CCSER1: variants seen among roughly 807,000 people sequenced by gnomAD.
CCSER1 encodes the protein coiled-coil serine rich protein 1, also known as serine-rich coiled-coil domain-containing protein 1.
Under a neutral mutation model 82.0 loss-of-function variants are expected in CCSER1, and 41 were observed. The observed-to-expected ratio is 0.50, with a 90% CI of 0.39 to 0.65. The LOEUF (loss-of-function observed/expected upper bound fraction) is 0.65, where lower values mean the gene tolerates loss of function less well. Ranked by LOEUF, CCSER1 falls within the 30% of genes least tolerant of loss-of-function variation. CCSER1 has a pLI of 0.00. For synonymous variants in CCSER1, 414 were observed against 383.9 expected (o/e 1.08, Z -0.92); for missense variants, 1,119 against 1,064.2 (o/e 1.05, Z -0.72).
chr4:90,670,700 A>G (rs904271255), intron 6 of CCSER1, among the ~76,000 whole-genome samples: 6 of 152,090 alleles, frequency 3.9e-5, no homozygotes, highest in African/African-American at 1.2e-4. Flanking sequence ...AATCAAGACC[A>G]TAGACATATT....
intron 5 of CCSER1, among the ~76,000 whole-genome samples, chr4:90,495,266 G>T (rs113110655): frequency 1.9e-3 from 291 of 152,254 alleles, no homozygotes; most frequent in Non-Finnish European, 2.9e-3. Context: ...TAATAACTTT[G>T]TGAAGCATGT....
intron 3 of CCSER1, among the ~76,000 whole-genome samples, chr4:90,380,134 G>A (rs115306544): frequency 1.9e-3 from 287 of 152,148 alleles, no homozygotes; most frequent in African/African-American, 6.4e-3. Context: ...TTTGAGCAGG[G>A]ACACAGATCA....
intron 9 of CCSER1, among the ~76,000 whole-genome samples, chr4:91,012,402 AGCAGTGACTGGGAAGG>A (rs1739065982): frequency 8.6e-6 from 1 of 116,550 alleles, no homozygotes; most frequent in Admixed American, 8.9e-5. Flanking sequence ...GACAGGGCAC[AGCAGTGACTGGGAAGG>A]GCATAAAGAG....
At chr4:90,856,341 T>C (rs977334748) in intron 8 of CCSER1, among the ~76,000 whole-genome samples, 1 of 152,168 alleles carries the variant, frequency 6.6e-6, no homozygotes, top group Non-Finnish European at 1.5e-5. Context: ...TAAGATAATA[T>C]ATAGAAAGTA....
intron 10 of CCSER1, among the ~76,000 whole-genome samples, chr4:91,481,041 C>T: frequency 7.1e-6 from 1 of 140,972 alleles, no homozygotes; most frequent in Non-Finnish European, 1.6e-5. Context: ...ATTTCCCTCC[C>T]CTCCCCACCC....
At position 90,831,013 on chromosome 4, in the gene CCSER1, T is replaced by C. The variant is rs1761051182; in HGVS notation, c.2094+15168T>C. ...TACTGTTCCCAACCATTCTGGGCAT[T>C]ATGTTGGTTTTACTGTCAGTCTCAA... is the stretch of plus-strand genomic sequence containing the variant. On this transcript the variant is annotated intron_variant, in intron 8 of 10. Coordinates refer to ENST00000509176, the MANE Select transcript of CCSER1 (RefSeq NM_001145065.2). 2.6e-5 allele frequency among the ~76,000 whole-genome samples: 4 copies of C among 152,000 alleles called. No individual in the cohort carries two copies. The South Asian group carries it at 8.3e-4, about 32-fold the overall frequency.
chr4:90,128,335 A>G (rs1371499870), intron 1 of CCSER1, among the ~76,000 whole-genome samples: 2 of 151,906 alleles, frequency 1.3e-5, no homozygotes, highest in Non-Finnish European at 2.9e-5. Flanking sequence ...GAGGAACCGC[A>G]GTGCGGGGCC....
intron 6 of CCSER1, among the ~76,000 whole-genome samples, chr4:90,648,938 C>T (rs1436614500): frequency 6.6e-6 from 1 of 152,150 alleles, no homozygotes; most frequent in Non-Finnish European, 1.5e-5. Context: ...GTAACACGGT[C>T]TTATAATATT....
chr4:90,926,399 G>A (rs1383395555), intron 9 of CCSER1, among the ~76,000 whole-genome samples: 1 of 151,868 alleles, frequency 6.6e-6, no homozygotes, highest in Non-Finnish European at 1.5e-5. Flanking sequence ...ATTGGTATGA[G>A]TATCAGAATA....
At chr4:90,576,080 G>T in intron 5 of CCSER1, among the ~76,000 whole-genome samples, 1 of 150,402 alleles carries the variant, frequency 6.6e-6, no homozygotes, top group African/African-American at 2.4e-5. Context: ...CTAGTTCTTG[G>T]GGTTGTCTTC....
In CCSER1 at chr4:90,819,656, A is replaced by T. The variant is rs146821772; in HGVS notation, c.2094+3811A>T. Among the ~76,000 whole-genome samples, 1,288 of 152,268 alleles carry T rather than the reference A, an allele frequency of 8.5e-3. 21 individuals carry two copies. The highest frequency in any genetic ancestry group is 0.03 in the African/African-American group (1,237 of 41,552). ...ATTCAGATTATTAATTGCATTTCTAATGTGAATGTATTTTTGTATTTTATA... is the reference window on the plus strand; with the variant it reads ...ATTCAGATTATTAATTGCATTTCTATTGTGAATGTATTTTTGTATTTTATA... On this transcript the variant is annotated intron_variant, in intron 8 of 10. Transcript: ENST00000509176.
At chr4:91,597,085 A>G (rs1189614721) in intron 10 of CCSER1, among the ~76,000 whole-genome samples, 17 of 152,014 alleles carry the variant, frequency 1.1e-4, no homozygotes, top group Admixed American at 9.9e-4. Context: ...ATTTTAGAAA[A>G]ATGTGATGAA....
intron 5 of CCSER1, among the ~76,000 whole-genome samples, chr4:90,558,345 G>A (rs894838517): frequency 4.6e-5 from 7 of 152,060 alleles, no homozygotes; most frequent in African/African-American, 1.7e-4. Context: ...AGAAATAATT[G>A]TAAAAACATT....
intron 5 of CCSER1, among the ~76,000 whole-genome samples, chr4:90,513,978 G>T (rs548800587): frequency 1.3e-5 from 2 of 152,054 alleles, no homozygotes; most frequent in Non-Finnish European, 2.9e-5. Context: ...TAGGGGGATC[G>T]GAGAGAAAAC....
chr4:90,264,569 G>A (rs11936121), intron 1 of CCSER1, among the ~76,000 whole-genome samples: 7,378 of 152,110 alleles, frequency 0.049, 475 homozygotes, highest in African/African-American at 0.15. Context: ...TTACTTTCCT[G>A]TTTACTGGAA....
chr4:91,018,697 GT>G lies in CCSER1; in HGVS notation c.2173-67250del, dbSNP rs1450481994. On this transcript the variant is annotated intron_variant, in intron 9 of 10. Transcript: ENST00000509176. Reference sequence around the variant, plus strand: ...ACTGATGTGTAAATTCAATACCAATGTTTCAGACACCTGAGTCCTTTCTCAT... The same window carrying G: ...ACTGATGTGTAAATTCAATACCAATGTTCAGACACCTGAGTCCTTTCTCAT... 2.0e-5 allele frequency among the ~76,000 whole-genome samples: 3 copies of G among 151,982 alleles called. No individual in the cohort carries two copies. The East Asian group carries it at 5.8e-4, about 29-fold the overall frequency.
intron 9 of CCSER1, among the ~76,000 whole-genome samples, chr4:91,061,782 G>A (rs183151658): frequency 2.6e-5 from 4 of 151,650 alleles, no homozygotes; most frequent in East Asian, 3.9e-4. Flanking sequence ...TTCACCTGTG[G>A]TAGGGTAGAG....
intron 5 of CCSER1, among the ~76,000 whole-genome samples, chr4:90,547,640 G>C (rs1171756809): frequency 1.3e-5 from 2 of 152,000 alleles, no homozygotes; most frequent in African/African-American, 4.8e-5. Flanking sequence ...ATTCGAGAAA[G>C]CATTCAGAAA....
chr4:91,070,376 A>G (rs1245637449), intron 9 of CCSER1, among the ~76,000 whole-genome samples: 1 of 152,208 alleles, frequency 6.6e-6, no homozygotes, highest in Non-Finnish European at 1.5e-5. Flanking sequence ...AACTCAGTTT[A>G]TATTTCTAAA....
Sources: gnomAD v4.1 joint callset for allele counts (sites outside exome capture counted in the v4.1 genomes callset) on GRCh38, gnomAD v4.1.1 for gene constraint, MANE v1.5 for transcripts, NCBI Gene and HGNC (gene_info 2026-07-23, HGNC 2026-07-21) for gene names.